UBE2O: variants seen among roughly 807,000 people sequenced by gnomAD.
The protein encoded by UBE2O is ubiquitin conjugating enzyme E2 O, also known as (E3-independent) E2 ubiquitin-conjugating enzyme.
Under a neutral mutation model 125.8 loss-of-function variants are expected in UBE2O, and 15 were observed. The observed-to-expected ratio is 0.12, with a 90% CI of 0.08 to 0.18. The LOEUF (loss-of-function observed/expected upper bound fraction) is 0.18, where lower values mean the gene tolerates loss of function less well. UBE2O is among the 10% of genes least tolerant of loss of function. The probability of loss-of-function intolerance (pLI) is 1.00; values close to 1 mark genes in which losing one functional copy is unlikely to be tolerated. For missense variants in UBE2O, 1,280 were observed against 1,723.6 expected, an observed-to-expected ratio of 0.74 and a Z score of 4.56; for synonymous variants, 708 against 703.2, an observed-to-expected ratio of 1.01 and a Z score of -0.11.
At position 76,398,720 on chromosome 17, in the gene UBE2O, C is replaced by A; in HGVS notation, c.1783+117G>T. 6.8e-7 allele frequency: 1 copy of A among 1,473,224 alleles called. No homozygotes were observed. The highest frequency in any genetic ancestry group is 1.8e-4 in the Middle Eastern group (1 of 5,636). 91.3% of individuals were successfully genotyped at this position (1,473,224 alleles called of 1,614,324 possible). On this transcript the variant is annotated intron_variant, in intron 10 of 17. Transcript: ENST00000319380. The surrounding 1 kb of genome is among the most constrained non-coding windows in gnomAD (Gnocchi z 5.4). ...GTGAGACCCCTTCATGAGGGCAGTC[C>A]CCTTCTGGACCTCATTTTAGCTCTG...
rs1190209525 is a variant in UBE2O, at chr17:76,395,641, G to A, written c.2946+84C>T. On this transcript the variant is annotated intron_variant, in intron 15 of 17. Transcript: ENST00000319380. This position sits in a 1 kb window ranked among gnomAD's most constrained non-coding sequence, Gnocchi z 5.0. ...TCGCAGGTGCCAGTCAGCCCCGGAG[G>A]TTTGGGGACCCAAGGTTGGTGGCCT... The A allele has an allele frequency of 6.6e-6, 10 of 1,518,184 alleles. No individual in the cohort carries two copies. The highest frequency in any genetic ancestry group is 2.2e-5 in the Admixed American group (1 of 45,930). 94.0% of individuals were successfully genotyped at this position (1,518,184 alleles called of 1,614,324 possible).
intron 5 of UBE2O, 183 bp downstream of exon 5, chr17:76,401,873 CAAAAAAAA>C: frequency 1.4e-5 from 2 of 146,136 alleles, no homozygotes; most frequent in African/African-American, 5.3e-5. Context: ...GACTCTGTCT[CAAAAAAAA>C]AAAAAAAAAA....
At chr17:76,446,851 G>T (rs2073160354) in intron 1 of UBE2O, among the ~76,000 whole-genome samples, 1 of 152,218 alleles carries the variant, frequency 6.6e-6, no homozygotes, top group Non-Finnish European at 1.5e-5. Context: ...TACAGAGGTT[G>T]CTTCATTCAA....
intron 1 of UBE2O, among the ~76,000 whole-genome samples, chr17:76,451,781 T>G (rs961752032): frequency 3.2e-5 from 3 of 95,102 alleles, no homozygotes; most frequent in African/African-American, 9.3e-5. Context: ...TACAGGGGGG[T>G]GTGTGTGTGT....
At chr17:76,411,476 G>C (rs2072514843) in intron 1 of UBE2O, among the ~76,000 whole-genome samples, 1 of 152,138 alleles carries the variant, frequency 6.6e-6, no homozygotes, top group African/African-American at 2.4e-5. Context: ...GTTCAAAAAG[G>C]GGAGCTGGAA....
intron 1 of UBE2O, among the ~76,000 whole-genome samples, chr17:76,444,747 G>A (rs905576084): frequency 6.6e-6 from 1 of 152,120 alleles, no homozygotes; most frequent in Non-Finnish European, 1.5e-5. Flanking sequence ...GCACACTGGG[G>A]GACCAGAGAA....
At chr17:76,413,489 T>TA (rs780701885) in intron 1 of UBE2O, among the ~76,000 whole-genome samples, 1 of 152,180 alleles carries the variant, frequency 6.6e-6, no homozygotes, top group Admixed American at 6.5e-5. Flanking sequence ...GTGGTAAGAA[T>TA]AAGTACTATT....
At chr17:76,414,549 G>A (rs889059826) in intron 1 of UBE2O, among the ~76,000 whole-genome samples, 1 of 152,214 alleles carries the variant, frequency 6.6e-6, no homozygotes, top group African/African-American at 2.4e-5. Context: ...CCTCACCCCT[G>A]ACACCCTCTC....
In UBE2O at chr17:76,452,945, AC is replaced by A; in HGVS notation, c.196del (p.Val66CysfsTer70). 1 of 1,497,428 alleles carries A rather than the reference AC, an allele frequency of 6.7e-7. No individual in the cohort carries two copies. The highest frequency in any genetic ancestry group is 8.9e-7 in the Non-Finnish European group (1 of 1,123,140). The allele number at this position is 1,497,428 out of a possible 1,614,324, so 92.8% of individuals were successfully genotyped here. On this transcript the variant is annotated frameshift_variant, in exon 1 of 18. Transcript: ENST00000319380. LOFTEE classifies it high-confidence loss of function. This position sits in a 1 kb window ranked among gnomAD's most constrained non-coding sequence, Gnocchi z 4.4. ...CACGGAGCCACGGTAACGGCCCGAC[AC>A]CAGGTCGTGAGAAAACAGCAGGCGC... ...SQRLLFSHDL[V>X]SGRYRGSVHF...
chr17:76,436,792 G>A lies in UBE2O; in HGVS notation c.417+15933C>T, dbSNP rs141810186. Among the ~76,000 whole-genome samples, 11 of 152,286 alleles carry A rather than the reference G, an allele frequency of 7.2e-5. No homozygotes were observed. In the East Asian group the frequency reaches 2.1e-3, roughly 29 times the overall value. On this transcript the variant is annotated intron_variant, in intron 1 of 17. Coordinates refer to ENST00000319380, the MANE Select transcript of UBE2O (RefSeq NM_022066.4). ...AAAAAAGGTAACGCCTCTTAGGACA[G>A]AGTATAAAATGGGGATTAGTGAAAG...
At chr17:76,406,472 G>A (rs2072420162) in intron 1 of UBE2O, among the ~76,000 whole-genome samples, 1 of 151,960 alleles carries the variant, frequency 6.6e-6, no homozygotes, top group Admixed American at 6.6e-5. Context: ...GGCCTCTCTT[G>A]ACCTGGGGGC....
chr17:76,426,501 T>C (rs1311065689), intron 1 of UBE2O, among the ~76,000 whole-genome samples: 1 of 152,254 alleles, frequency 6.6e-6, no homozygotes, highest in Non-Finnish European at 1.5e-5. Context: ...TTTTCTTTGC[T>C]CTCTTTCTTT....
rs1273762399 is a variant in UBE2O at position 76,418,377 on chromosome 17, G to GCCATGCCTTACAA, written c.418-12818_418-12806dup. ...GACTATAGGACACCCTCTTCCAGGAGCCATGCCTTACAACCAGCAACTGCG... is the reference window on the plus strand; with the variant it reads ...GACTATAGGACACCCTCTTCCAGGAGCCATGCCTTACAACCATGCCTTACAACCAGCAACTGCG... On this transcript the variant is annotated intron_variant, in intron 1 of 17. Transcript: ENST00000319380. Among the ~76,000 whole-genome samples the GCCATGCCTTACAA allele has an allele frequency of 5.3e-5, 8 of 152,300 alleles. No homozygotes were observed. The South Asian group carries it at 1.7e-3, about 32-fold the overall frequency.
chr17:76,431,500 G>C (rs762242944), intron 1 of UBE2O, among the ~76,000 whole-genome samples: 7 of 151,848 alleles, frequency 4.6e-5, no homozygotes, highest in Non-Finnish European at 7.4e-5. Flanking sequence ...AGGGTGCTCT[G>C]TCTCAAAAAA....
intron 15 of UBE2O, among the ~76,000 whole-genome samples, chr17:76,393,841 T>C (rs867559149): frequency 2.0e-5 from 3 of 152,284 alleles, no homozygotes; most frequent in Middle Eastern, 3.4e-3. Context: ...AGTGATGAGC[T>C]GAGAAGCAGG....
At chr17:76,435,896 C>G (rs2143868017) in intron 1 of UBE2O, among the ~76,000 whole-genome samples, 1 of 152,370 alleles carries the variant, frequency 6.6e-6, no homozygotes, top group Non-Finnish European at 1.5e-5. Context: ...GGCCAGAGTT[C>G]TAGCCCTCTA....
intron 1 of UBE2O, among the ~76,000 whole-genome samples, chr17:76,443,295 A>ATTT (rs202108643): frequency 6.6e-6 from 1 of 151,504 alleles, no homozygotes; most frequent in African/African-American, 2.4e-5. Context: ...ATATATATAT[A>ATTT]TTTTTTTCCT....
chr17:76,448,873 G>C lies in UBE2O; in HGVS notation c.417+3852C>G, dbSNP rs372665160. ...CAAAGGATGACTGGTGATGGGGAAG[G>C]GGCAAGCCTCCTCTAAGGAGATCCA... is the stretch of plus-strand genomic sequence containing the variant. On this transcript the variant is annotated intron_variant, in intron 1 of 17. Coordinates refer to ENST00000319380, the MANE Select transcript of UBE2O (RefSeq NM_022066.4). 1.6e-4 allele frequency among the ~76,000 whole-genome samples: 25 copies of C among 152,368 alleles called. No individual in the cohort carries two copies. In the East Asian group the frequency reaches 3.1e-3, roughly 19 times the overall value.
chr17:76,440,064 G>A (rs1313210643), intron 1 of UBE2O, among the ~76,000 whole-genome samples: 6 of 152,100 alleles, frequency 3.9e-5, no homozygotes, highest in Non-Finnish European at 5.9e-5. Context: ...CTTACCTTCC[G>A]GCTGGGGACA....
Sources: gnomAD v4.1 joint callset for allele counts (sites outside exome capture counted in the v4.1 genomes callset) on GRCh38, gnomAD v4.1.1 for gene constraint, Gnocchi (gnomAD v3.1) non-coding constraint, MANE v1.5 for transcripts, NCBI Gene and HGNC (gene_info 2026-07-23, HGNC 2026-07-21) for gene names.